Variants in BLMH observed in about 807,000 individuals in gnomAD.
BLMH encodes bleomycin hydrolase.
Under a neutral mutation model 61.6 loss-of-function variants are expected in BLMH, and 32 were observed. The observed-to-expected ratio is 0.52, with a 90% CI of 0.39 to 0.70. The LOEUF (loss-of-function observed/expected upper bound fraction) is 0.70, where lower values mean the gene tolerates loss of function less well. BLMH is among the 30% of genes least tolerant of loss of function. The pLI is 0.00. For synonymous variants in BLMH, 183 were observed against 193.8 expected, an observed-to-expected ratio of 0.94 and a Z score of 0.46; for missense variants, 460 against 555.5, an observed-to-expected ratio of 0.83 and a Z score of 1.73.
At chr17:30,274,893 C>T (rs919086940) in intron 6 of BLMH, among the ~76,000 whole-genome samples, 1 of 151,940 alleles carries the variant, frequency 6.6e-6, no homozygotes, top group African/African-American at 2.4e-5. Flanking sequence ...GAGGGAGGAT[C>T]GCTTGAGCCC....
chr17:30,282,382 G>GT (rs887239101), intron 6 of BLMH, among the ~76,000 whole-genome samples: 35 of 152,114 alleles, frequency 2.3e-4, no homozygotes, highest in African/African-American at 8.4e-4. Flanking sequence ...ATGCCCAGAT[G>GT]TTTTTTTCGT....
intron 7 of BLMH, 156 bp from the exon 8 acceptor site, chr17:30,273,055 T>C (rs1345864136): frequency 2.6e-6 from 2 of 778,328 alleles, no homozygotes; most frequent in Non-Finnish European, 4.0e-6. Flanking sequence ...AAACACAAGG[T>C]GGCAAAATAC....
At chr17:30,283,779 C>CA (rs2143037416) in intron 6 of BLMH, among the ~76,000 whole-genome samples, 1 of 152,238 alleles carries the variant, frequency 6.6e-6, no homozygotes, top group East Asian at 1.9e-4. Flanking sequence ...CTTGGCCTCC[C>CA]AAAGTGCTGA....
intron 6 of BLMH, among the ~76,000 whole-genome samples, chr17:30,279,276 C>T (rs867745048): frequency 6.6e-6 from 1 of 152,190 alleles, no homozygotes; most frequent in Non-Finnish European, 1.5e-5. Context: ...GTATAAAGGG[C>T]AGCCTGCCCA....
chr17:30,275,434 G>C (rs1038024104), intron 6 of BLMH, among the ~76,000 whole-genome samples: 1 of 152,182 alleles, frequency 6.6e-6, no homozygotes, highest in African/African-American at 2.4e-5. Flanking sequence ...GCTGAGGCAG[G>C]TGGATCATGA....
intron 3 of BLMH, 95 bp from the exon 4 acceptor site, chr17:30,288,042 G>A: frequency 8.1e-7 from 1 of 1,240,124 alleles, no homozygotes; most frequent in Non-Finnish European, 1.1e-6. Flanking sequence ...GAATTACCAT[G>A]GAATCAACAT....
At position 30,265,393 on chromosome 17, in the gene BLMH, C is replaced by T. The variant is rs543980646; in HGVS notation, c.1216+1492G>A. ...TTTTTCAAATAGGAGCTATGGAAGT[C>T]CCATATGCTCATATCCAAACCTCCA... On this transcript the variant is annotated intron_variant, in intron 11 of 11. Coordinates refer to ENST00000261714, the MANE Select transcript of BLMH (RefSeq NM_000386.4). 8.5e-5 allele frequency among the ~76,000 whole-genome samples: 13 copies of T among 152,266 alleles called. No homozygotes were observed. In the East Asian group the frequency reaches 2.5e-3, roughly 29 times the overall value.
intron 6 of BLMH, among the ~76,000 whole-genome samples, chr17:30,274,406 A>G (rs1908362914): frequency 1.3e-5 from 2 of 152,232 alleles, no homozygotes; most frequent in South Asian, 2.1e-4. Context: ...TCAAATAAAC[A>G]CTGTGAACAA....
chr17:30,291,863 C>T lies in BLMH; in HGVS notation c.-44G>A. 1 of 1,292,762 alleles carries T rather than the reference C, an allele frequency of 7.7e-7. No individual in the cohort carries two copies. The highest frequency in any genetic ancestry group is 3.9e-5 in the Admixed American group (1 of 25,788). 80.1% of individuals were successfully genotyped at this position (1,292,762 alleles called of 1,614,324 possible). A position where few individuals can be genotyped will look rare whatever the true frequency, so the allele number is the denominator to read the frequency against. Reference sequence around the variant, plus strand: ...CGGGGTAACGGTAGCTTCCAGGGTCCTTGGGCGAGCGCCGGGATTGCGCTG... The same window carrying T: ...CGGGGTAACGGTAGCTTCCAGGGTCTTTGGGCGAGCGCCGGGATTGCGCTG... On this transcript the variant is annotated 5_prime_UTR_variant, in exon 1 of 12. Transcript: ENST00000261714.
chr17:30,268,149 A>C (rs1908160913), intron 10 of BLMH, among the ~76,000 whole-genome samples: 1 of 152,208 alleles, frequency 6.6e-6, no homozygotes, highest in South Asian at 2.1e-4. Context: ...ACTGTAGTCC[A>C]ACTTTACTTT....
chr17:30,282,706 AGCTTCACG>A (rs879584630), intron 6 of BLMH, among the ~76,000 whole-genome samples: 9 of 152,352 alleles, frequency 5.9e-5, no homozygotes, highest in Middle Eastern at 3.4e-3. Context: ...AAGCTATCTG[AGCTTCACG>A]GCTGTTGATT....
At chr17:30,253,138 T>C (rs1446333763) in intron 11 of BLMH, among the ~76,000 whole-genome samples, 1 of 152,156 alleles carries the variant, frequency 6.6e-6, no homozygotes, top group Non-Finnish European at 1.5e-5. Flanking sequence ...ATCACTGCAG[T>C]GGCCCTGGGC....
intron 3 of BLMH, among the ~76,000 whole-genome samples, chr17:30,288,822 C>T (rs570939218): frequency 6.6e-6 from 1 of 152,084 alleles, no homozygotes; most frequent in Admixed American, 6.6e-5. Flanking sequence ...CAAAAATTAG[C>T]TGGGCATGGT....
At chr17:30,265,803 T>C (rs1421021123) in intron 11 of BLMH, among the ~76,000 whole-genome samples, 3 of 152,190 alleles carry the variant, frequency 2.0e-5, no homozygotes, top group Non-Finnish European at 4.4e-5. Context: ...ACATATGCCA[T>C]GGTGATTGCC....
intron 5 of BLMH, 49 bp from the exon 6 acceptor site, chr17:30,285,529 G>T: frequency 6.8e-7 from 1 of 1,475,560 alleles, no homozygotes; most frequent in Non-Finnish European, 9.4e-7. Flanking sequence ...GAATTCAATT[G>T]TAAATGACTC....
intron 2 of BLMH, chr17:30,291,090 A>G (rs1275838176): frequency 1.7e-6 from 1 of 584,608 alleles, no homozygotes; most frequent in Admixed American, 3.0e-5. Context: ...ACTCATGGAC[A>G]TGTCACTTTT....
In BLMH at chr17:30,272,596, G is replaced by A; in HGVS notation, c.993C>T (p.His331=). 1 of 1,614,152 alleles carries A rather than the reference G, an allele frequency of 6.2e-7. No homozygotes were observed. Among genetic ancestry groups the A allele is most frequent in the African/African-American group, 1.3e-5 (1 of 75,026 alleles). The change falls in exon 9 of 12, where the codon CAC becomes CAT. Residue 331 remains histidine, a synonymous_variant. Transcript: ENST00000261714. The part of the protein sequence containing the change: ...AVWFGCDVGK[H]FNSKLGLSDM... ...CACTGAGGCCCAGCTTGCTATTGAA[G>A]TGTTTTCCAACATCACAGCCAAACC... is the stretch of plus-strand genomic sequence containing the variant.
intron 11 of BLMH, among the ~76,000 whole-genome samples, chr17:30,256,203 T>C (rs980958177): frequency 2.6e-5 from 4 of 152,144 alleles, no homozygotes; most frequent in African/African-American, 9.7e-5. Context: ...GCATTTTAAA[T>C]TGGAGCTTTT....
At chr17:30,283,050 C>T (rs1447297420) in intron 6 of BLMH, among the ~76,000 whole-genome samples, 1 of 152,040 alleles carries the variant, frequency 6.6e-6, no homozygotes, top group Non-Finnish European at 1.5e-5. Flanking sequence ...CACCTGTAGT[C>T]CCAGCTACTT....
Sources: allele counts gnomAD v4.1 joint callset (sites outside exome capture counted in the v4.1 genomes callset), GRCh38; gene constraint gnomAD v4.1.1; transcripts MANE v1.5; gene names NCBI Gene and HGNC (gene_info 2026-07-23, HGNC 2026-07-21).